LTBP1: variants seen among roughly 807,000 people sequenced by gnomAD.
The protein encoded by LTBP1 is latent transforming growth factor beta binding protein 1.
LTBP1 carries 129 observed loss-of-function variants against 207.6 expected under a neutral mutation model. The observed-to-expected ratio is 0.62, with a 90% CI of 0.54 to 0.72. The LOEUF (loss-of-function observed/expected upper bound fraction) is 0.72. Ranked by LOEUF, LTBP1 falls within the 30% of genes least tolerant of loss-of-function variation. The probability of loss-of-function intolerance (pLI) is 0.00; values close to 1 mark genes in which losing one functional copy is unlikely to be tolerated. For synonymous variants in LTBP1, 963 were observed against 833.7 expected (o/e 1.16, Z -2.67); for missense variants, 2,281 against 2,217.2 (o/e 1.03, Z -0.58).
chr2:32,963,604 T>C (rs1463530991), intron 2 of LTBP1, among the ~76,000 whole-genome samples: 1 of 152,172 alleles, frequency 6.6e-6, no homozygotes, highest in East Asian at 1.9e-4. Context: ...ATAAATGTGT[T>C]TTGTACCTTT....
chr2:33,077,997 G>C (rs1343904489), intron 3 of LTBP1, among the ~76,000 whole-genome samples: 1 of 152,174 alleles, frequency 6.6e-6, no homozygotes, highest in Non-Finnish European at 1.5e-5. Flanking sequence ...TTTTGAGGTT[G>C]AGTGGCTTAC....
intron 2 of LTBP1, among the ~76,000 whole-genome samples, chr2:33,006,598 G>C (rs577165135): frequency 6.6e-6 from 1 of 151,856 alleles, no homozygotes; most frequent in African/African-American, 2.4e-5. Context: ...GGCCAGGCTG[G>C]TCTCAAACTC....
chr2:33,033,598 TG>T (rs1204197585), intron 3 of LTBP1, among the ~76,000 whole-genome samples: 1 of 147,404 alleles, frequency 6.8e-6, no homozygotes, highest in African/African-American at 2.5e-5. Flanking sequence ...CTGACTATGG[TG>T]GGGGAAAAAA....
chr2:33,246,477 ACG>A, intron 10 of LTBP1, among the ~76,000 whole-genome samples: 1 of 150,990 alleles, frequency 6.6e-6, no homozygotes, highest in African/African-American at 2.5e-5. Context: ...ACACACGCAC[ACG>A]CACACACACA....
At chr2:33,328,528 C>T (rs997252046) in intron 24 of LTBP1, among the ~76,000 whole-genome samples, 1 of 152,178 alleles carries the variant, frequency 6.6e-6, no homozygotes, top group South Asian at 2.1e-4. Flanking sequence ...CAGGTACCTT[C>T]TTCACAGGGC....
chr2:32,953,589 C>G (rs762340016), intron 2 of LTBP1, among the ~76,000 whole-genome samples: 1 of 152,162 alleles, frequency 6.6e-6, no homozygotes, highest in Admixed American at 6.5e-5. Flanking sequence ...ATTTAGGAAC[C>G]ATAACACTGT....
At chr2:33,331,447 T>A (rs6735677) in intron 24 of LTBP1, among the ~76,000 whole-genome samples, 21,102 of 152,048 alleles carry the variant, frequency 0.14, 2,645 homozygotes, top group African/African-American at 0.33. Context: ...CTAAAGTTCA[T>A]TGTCATTTTT....
chr2:33,397,352 C>T, intron 33 of LTBP1, 70 bp downstream of exon 33: 2 of 1,545,704 alleles, frequency 1.3e-6, no homozygotes, highest in Non-Finnish European at 1.8e-6. Flanking sequence ...CAGTAGAGAA[C>T]ATTTAAGATA....
chr2:33,361,303 T>C, intron 27 of LTBP1, 126 bp from the exon 28 acceptor site: 1 of 544,200 alleles, frequency 1.8e-6, no homozygotes, highest in Non-Finnish European at 3.2e-6. Flanking sequence ...TTTTTGAGAT[T>C]GTACTAAATT....
chr2:33,179,309 A>G (rs990516934), intron 5 of LTBP1, among the ~76,000 whole-genome samples: 2 of 152,304 alleles, frequency 1.3e-5, no homozygotes, highest in Admixed American at 1.3e-4. Flanking sequence ...GAAACCCCTC[A>G]TCTAGAGTTT....
At chr2:32,990,096 C>A (rs1468281509) in intron 2 of LTBP1, among the ~76,000 whole-genome samples, 1 of 152,168 alleles carries the variant, frequency 6.6e-6, no homozygotes, top group Non-Finnish European at 1.5e-5. Flanking sequence ...CAGAGCAAGA[C>A]CCAGTCTTTA....
Position 33,087,347 on chromosome 2 carries a change from C to A in LTBP1, c.864-23235C>A, listed in dbSNP as rs1375691399. On this transcript the variant is annotated intron_variant, in intron 3 of 33. Transcript: ENST00000404816. ...CCTCCCAAAGTGTTGGGATTACAGG[C>A]ATGAGTCACTGCACCTAGCCTCACT... 4.6e-5 allele frequency among the ~76,000 whole-genome samples: 7 copies of A among 152,254 alleles called. No individual in the cohort carries two copies. The East Asian group carries it at 1.3e-3, about 29-fold the overall frequency.
chr2:33,078,877 T>TTTTTTTTA (rs1342536280), intron 3 of LTBP1, among the ~76,000 whole-genome samples: 1 of 145,746 alleles, frequency 6.9e-6, no homozygotes, highest in African/African-American at 2.5e-5. Flanking sequence ...TTTTTTTTTT[T>TTTTTTTTA]GAGACAGAGT....
At chr2:33,018,919 C>T (rs1411722387) in intron 2 of LTBP1, among the ~76,000 whole-genome samples, 2 of 151,854 alleles carry the variant, frequency 1.3e-5, no homozygotes, top group Non-Finnish European at 2.9e-5. Context: ...AATTTGTCAG[C>T]TTGGTATTCT....
intron 5 of LTBP1, among the ~76,000 whole-genome samples, chr2:33,172,137 G>C (rs1225239767): frequency 6.6e-6 from 1 of 152,142 alleles, no homozygotes; most frequent in African/African-American, 2.4e-5. Context: ...AAAATGACAG[G>C]ATCAAATTCA....
intron 3 of LTBP1, among the ~76,000 whole-genome samples, chr2:33,033,442 C>T (rs1449056508): frequency 1.3e-5 from 2 of 152,110 alleles, no homozygotes; most frequent in Non-Finnish European, 2.9e-5. Context: ...GAAGATCTAA[C>T]TAAACTTTAA....
At chr2:33,067,171 GA>G (rs1406032503) in intron 3 of LTBP1, among the ~76,000 whole-genome samples, 3 of 152,150 alleles carry the variant, frequency 2.0e-5, no homozygotes, top group African/African-American at 4.8e-5. Context: ...GACCCTGTCT[GA>G]GGGCTAAGAT....
chr2:33,037,104 T>C (rs912608127), intron 3 of LTBP1, among the ~76,000 whole-genome samples: 34 of 152,150 alleles, frequency 2.2e-4, no homozygotes, highest in African/African-American at 8.2e-4. Context: ...GTATGTGTGA[T>C]TTTTTTTCCA....
intron 3 of LTBP1, among the ~76,000 whole-genome samples, chr2:33,074,242 C>T (rs1463543720): frequency 2.0e-5 from 3 of 152,200 alleles, no homozygotes; most frequent in Admixed American, 6.5e-5. Flanking sequence ...AGAAAAGAGA[C>T]GTAGCTGCAA....
Sources: gnomAD v4.1 joint callset for allele counts (sites outside exome capture counted in the v4.1 genomes callset) on GRCh38, gnomAD v4.1.1 for gene constraint, MANE v1.5 for transcripts, NCBI Gene and HGNC (gene_info 2026-07-23, HGNC 2026-07-21) for gene names.